The following PLA2G12B variants were observed in gnomAD, a reference collection of about 807,000 sequenced individuals.
The protein encoded by PLA2G12B is phospholipase A2 group XIIB.
A neutral mutation model predicts 22.3 loss-of-function variants in PLA2G12B; 19 were observed. That is an observed-to-expected ratio of 0.85 (90% CI 0.60 to 1.25). The LOEUF is 1.25. Ranked by LOEUF, PLA2G12B falls within the 50% of genes most tolerant of loss-of-function variation. The probability of loss-of-function intolerance (pLI) is 0.00; values close to 1 mark genes in which losing one functional copy is unlikely to be tolerated. For missense variants in PLA2G12B, 191 were observed against 246.6 expected (o/e 0.77, Z 1.51); for synonymous variants, 81 against 94.9 (o/e 0.85, Z 0.85).
Position 72,934,962 on chromosome 10 carries a change from G to A in PLA2G12B, c.*655C>T, listed in dbSNP as rs924592217. On this transcript the variant is annotated 3_prime_UTR_variant, in exon 4 of 4. Transcript: ENST00000373032. ...GGGAATACCAATGGGGTAGGTCACC[G>A]GAGGGAAAAATGAATCCTCAGAGAC... Among the ~76,000 whole-genome samples the A allele has an allele frequency of 2.6e-5, 4 of 152,220 alleles. No individual in the cohort carries two copies. The highest frequency in any genetic ancestry group is 9.6e-5 in the African/African-American group (4 of 41,536).
chr10:72,944,952 T>G (rs1409211612), intron 1 of PLA2G12B, among the ~76,000 whole-genome samples: 1 of 152,176 alleles, frequency 6.6e-6, no homozygotes, highest in African/African-American at 2.4e-5. Flanking sequence ...CATACTTCCC[T>G]CTGGCCAGAC....
intron 3 of PLA2G12B, among the ~76,000 whole-genome samples, chr10:72,939,357 A>T (rs1846324741): frequency 6.6e-6 from 1 of 152,226 alleles, no homozygotes; most frequent in Non-Finnish European, 1.5e-5. Flanking sequence ...CACTTTGTGT[A>T]GAATCTACGA....
At chr10:72,937,775 A>G (rs376026530) in intron 3 of PLA2G12B, among the ~76,000 whole-genome samples, 1 of 152,330 alleles carries the variant, frequency 6.6e-6, no homozygotes, top group African/African-American at 2.4e-5. Flanking sequence ...ATATAGAACA[A>G]ATACCACATG....
intron 3 of PLA2G12B, among the ~76,000 whole-genome samples, chr10:72,940,115 G>C (rs1269919145): frequency 6.6e-6 from 1 of 152,070 alleles, no homozygotes; most frequent in Non-Finnish European, 1.5e-5. Context: ...CCTTTCATAG[G>C]GCACACTGAA....
At chr10:72,954,381 A>C in intron 1 of PLA2G12B, 94 bp downstream of exon 1, 2 of 1,491,850 alleles carry the variant, frequency 1.3e-6, no homozygotes, top group Non-Finnish European at 9.2e-7. Flanking sequence ...TAAGTGGATA[A>C]CAGGAAAAAG....
At chr10:72,954,435 C>T (rs372335231) in intron 1 of PLA2G12B, 40 bp downstream of exon 1, 2 of 1,613,582 alleles carry the variant, frequency 1.2e-6, no homozygotes, top group African/African-American at 1.3e-5. Context: ...CATGGGTCCA[C>T]CAGCAACAGT....
chr10:72,943,944 T>C (rs903718495), intron 1 of PLA2G12B, among the ~76,000 whole-genome samples: 1 of 152,330 alleles, frequency 6.6e-6, no homozygotes, highest in Non-Finnish European at 1.5e-5. Flanking sequence ...GAGTAAGGCA[T>C]ATGACAGTTT....
rs1182863072 is a variant in PLA2G12B, at chr10:72,935,602, G to A, written c.*15C>T. ...CTGTGGTGTCACTCAAAACCAGGAA[G>A]GAATCACTTCTTCCTCATAACTCTT... On this transcript the variant is annotated 3_prime_UTR_variant, in exon 4 of 4. Coordinates refer to ENST00000373032, the MANE Select transcript of PLA2G12B (RefSeq NM_032562.5). 1.2e-6 allele frequency: 2 copies of A among 1,613,410 alleles called. No individual in the cohort carries two copies. Among genetic ancestry groups the A allele is most frequent in the Non-Finnish European group, 8.5e-7 (1 of 1,179,666 alleles).
intron 1 of PLA2G12B, among the ~76,000 whole-genome samples, chr10:72,953,656 C>T (rs532256985): frequency 1.3e-5 from 2 of 152,288 alleles, no homozygotes; most frequent in South Asian, 4.1e-4. Context: ...ACATTTTGCT[C>T]CCCTTACATT....
At chr10:72,951,977 G>A (rs1437815828) in intron 1 of PLA2G12B, among the ~76,000 whole-genome samples, 1 of 152,114 alleles carries the variant, frequency 6.6e-6, no homozygotes, top group Non-Finnish European at 1.5e-5. Context: ...TTTAACCTGT[G>A]GGCTGAAGTT....
At chr10:72,950,463 ATTTATT>A (rs1846511279) in intron 1 of PLA2G12B, among the ~76,000 whole-genome samples, 1 of 152,068 alleles carries the variant, frequency 6.6e-6, no homozygotes, top group Non-Finnish European at 1.5e-5. Context: ...ATAGACTGAT[ATTTATT>A]TTTATTTATT....
intron 1 of PLA2G12B, among the ~76,000 whole-genome samples, chr10:72,953,364 G>A (rs185346028): frequency 1.4e-4 from 21 of 152,304 alleles, no homozygotes; most frequent in African/African-American, 4.6e-4. Flanking sequence ...AAGGAATAGA[G>A]AGACTTAAGG....
At chr10:72,952,537 G>A (rs1475256545) in intron 1 of PLA2G12B, among the ~76,000 whole-genome samples, 2 of 152,178 alleles carry the variant, frequency 1.3e-5, no homozygotes, top group African/African-American at 4.8e-5. Flanking sequence ...GACGAGCACG[G>A]TGCATGAGAG....
In PLA2G12B at chr10:72,942,683, G is replaced by C; in HGVS notation, c.269C>G (p.Ser90Cys). 6.2e-7 allele frequency: 1 copy of C among 1,608,034 alleles called. No individual in the cohort carries two copies. Among genetic ancestry groups the C allele is most frequent in the Non-Finnish European group, 8.5e-7 (1 of 1,177,442 alleles). ...YKPQEPNGCG[S>C]YFLGLKVPES... ...TGGTACCTTGAGACCCAGGAAATAG[G>C]AGCCGCAGCCATTGGGCTCTTGGGG... Residue 90 changes from serine to cysteine, a missense_variant, in exon 2 of 4, where the codon TCC becomes TGC. By Grantham distance (112) the Ser-to-Cys change is moderately radical. Transcript: ENST00000373032.
rs554226192 is a variant in PLA2G12B, at chr10:72,950,850, G to A, written c.211+3625C>T. Reference sequence around the variant, plus strand: ...GGATCTTTTATTAAAGTGTGAAAGCGTGAACAGTATCATTATAGAAACTAC... The same window carrying A: ...GGATCTTTTATTAAAGTGTGAAAGCATGAACAGTATCATTATAGAAACTAC... On this transcript the variant is annotated intron_variant, in intron 1 of 3. Coordinates refer to ENST00000373032, the MANE Select transcript of PLA2G12B (RefSeq NM_032562.5). Among the ~76,000 whole-genome samples the A allele has an allele frequency of 3.0e-4, 45 of 152,304 alleles. 1 individual carries two copies. The South Asian group carries it at 8.1e-3, about 27-fold the overall frequency.
At chr10:72,945,899 T>C (rs1269279846) in intron 1 of PLA2G12B, among the ~76,000 whole-genome samples, 1 of 152,170 alleles carries the variant, frequency 6.6e-6, no homozygotes, top group East Asian at 1.9e-4. Flanking sequence ...CCACCCACCT[T>C]GGCTTCCCAA....
Position 72,942,683 on chromosome 10 carries a change from G to A in PLA2G12B, c.269C>T (p.Ser90Phe). The A allele has an allele frequency of 6.2e-7, 1 of 1,608,034 alleles. No individual in the cohort carries two copies. ...TGGTACCTTGAGACCCAGGAAATAG[G>A]AGCCGCAGCCATTGGGCTCTTGGGG... Reference protein sequence around the residue: ...YKPQEPNGCGSYFLGLKVPES... With the variant: ...YKPQEPNGCGFYFLGLKVPES... Residue 90 changes from serine to phenylalanine, a missense_variant, in exon 2 of 4, where the codon TCC (serine) becomes TTC (phenylalanine). Coordinates refer to ENST00000373032, the MANE Select transcript of PLA2G12B (RefSeq NM_032562.5).
chr10:72,941,044 G>A, intron 3 of PLA2G12B, 125 bp downstream of exon 3: 1 of 1,075,620 alleles, frequency 9.3e-7, no homozygotes, highest in East Asian at 2.6e-5. Flanking sequence ...CTCAGCCACA[G>A]TGTTCCATAA....
intron 1 of PLA2G12B, among the ~76,000 whole-genome samples, chr10:72,944,253 A>AT (rs1327916696): frequency 6.6e-6 from 1 of 152,064 alleles, no homozygotes; most frequent in African/African-American, 2.4e-5. Context: ...CTTGCTATAA[A>AT]TTTTTTTTAA....
Sources: gnomAD v4.1 joint callset for allele counts (sites outside exome capture counted in the v4.1 genomes callset) on GRCh38, gnomAD v4.1.1 for gene constraint, MANE v1.5 for transcripts, NCBI Gene and HGNC (gene_info 2026-07-23, HGNC 2026-07-21) for gene names.